Variants in TYW1B observed in about 807,000 individuals in gnomAD.
TYW1B encodes the protein tRNA-yW synthesizing protein 1 homolog B.
TYW1B carries 73 observed loss-of-function variants against 86.9 expected under a neutral mutation model. That is an observed-to-expected ratio of 0.84 (90% CI 0.70 to 1.02). The LOEUF (loss-of-function observed/expected upper bound fraction) is 1.02, where lower values mean the gene tolerates loss of function less well. Ranked by LOEUF, TYW1B falls within the 50% of genes least tolerant of loss-of-function variation. TYW1B has a pLI of 0.00. For synonymous variants in TYW1B, 248 were observed against 292.8 expected (o/e 0.85, Z 1.56); for missense variants, 637 against 827.4 (o/e 0.77, Z 2.82).
At chr7:72,632,375 A>AC (rs1812533093) in intron 11 of TYW1B, among the ~76,000 whole-genome samples, 1 of 118,068 alleles carries the variant, frequency 8.5e-6, no homozygotes, top group African/African-American at 3.8e-5. Context: ...ACGCATATAT[A>AC]TTATATATAT....
chr7:72,757,322 C>G (rs782169556), intron 7 of TYW1B, among the ~76,000 whole-genome samples: 9 of 149,018 alleles, frequency 6.0e-5, no homozygotes, highest in Non-Finnish European at 1.2e-4. Context: ...GAGCCAAGAT[C>G]GCACCACTGC....
At chr7:72,786,847 T>C (rs1455504346) in intron 6 of TYW1B, among the ~76,000 whole-genome samples, 6 of 152,082 alleles carry the variant, frequency 3.9e-5, no homozygotes, top group African/African-American at 4.8e-5. Context: ...AGTGCTGGGA[T>C]TACAGGCATG....
chr7:72,586,105 T>C (rs1455526741), intron 13 of TYW1B, among the ~76,000 whole-genome samples: 3 of 152,208 alleles, frequency 2.0e-5, no homozygotes, highest in African/African-American at 4.8e-5. Context: ...TGTTTTATTA[T>C]AGCAGGAGGA....
intron 11 of TYW1B, among the ~76,000 whole-genome samples, chr7:72,639,797 C>A (rs760268483): frequency 4.0e-5 from 6 of 150,084 alleles, no homozygotes; most frequent in Admixed American, 2.7e-4. Flanking sequence ...ACTCAGGAGG[C>A]AGAGGCTGCA....
intron 11 of TYW1B, among the ~76,000 whole-genome samples, chr7:72,652,406 ATT>A (rs1312855705): frequency 4.7e-5 from 7 of 149,042 alleles, no homozygotes; most frequent in South Asian, 2.1e-4. Context: ...AAAAAAAAAA[ATT>A]TTTGTGACAT....
chr7:72,826,252 C>T (rs1242742849), intron 2 of TYW1B, among the ~76,000 whole-genome samples: 1 of 152,178 alleles, frequency 6.6e-6, no homozygotes, highest in Non-Finnish European at 1.5e-5. Flanking sequence ...CAAATAATTA[C>T]ACAAAATCCA....
At chr7:72,748,974 T>C (rs1219843496) in intron 7 of TYW1B, among the ~76,000 whole-genome samples, 1 of 151,996 alleles carries the variant, frequency 6.6e-6, no homozygotes, top group Non-Finnish European at 1.5e-5. Context: ...CCACCTCTTG[T>C]ATTTTGGGGA....
intron 13 of TYW1B, among the ~76,000 whole-genome samples, chr7:72,602,258 C>T (rs1159426246): frequency 1.3e-5 from 2 of 152,026 alleles, no homozygotes; most frequent in East Asian, 3.9e-4. Context: ...ACAACTCCAG[C>T]GCCGCTATAT....
At chr7:72,665,327 C>T (rs1414448373) in intron 11 of TYW1B, among the ~76,000 whole-genome samples, 41 of 152,164 alleles carry the variant, frequency 2.7e-4, no homozygotes, top group Non-Finnish European at 4.4e-5. Context: ...GAATGAAAGT[C>T]GTCTGTTCAA....
intron 11 of TYW1B, among the ~76,000 whole-genome samples, chr7:72,674,645 A>G (rs1813691988): frequency 6.6e-6 from 1 of 152,020 alleles, no homozygotes; most frequent in Non-Finnish European, 1.5e-5. Flanking sequence ...TTCCACTCCA[A>G]CTAAGGTTGA....
intron 8 of TYW1B, among the ~76,000 whole-genome samples, chr7:72,732,447 A>G (rs1223692139): frequency 1.3e-5 from 2 of 152,246 alleles, no homozygotes; most frequent in African/African-American, 4.8e-5. Context: ...AAAACAAGAA[A>G]TCAGTCATAA....
intron 11 of TYW1B, among the ~76,000 whole-genome samples, chr7:72,641,481 TACCAA>T (rs1812798284): frequency 1.3e-5 from 2 of 152,202 alleles, no homozygotes; most frequent in Non-Finnish European, 2.9e-5. Flanking sequence ...AGCAGAATAC[TACCAA>T]ACCAAATACA....
chr7:72,711,678 G>A (rs1460767107), intron 10 of TYW1B, among the ~76,000 whole-genome samples: 9 of 150,808 alleles, frequency 6.0e-5, no homozygotes, highest in Admixed American at 3.3e-4. Context: ...TAGTAGAGAC[G>A]GGGTTTCACC....
chr7:72,713,611 G>A lies in TYW1B; in HGVS notation c.1370+10C>T, dbSNP rs1554455252. On this transcript the variant is annotated intron_variant, in intron 10 of 13. Coordinates refer to ENST00000620995, the MANE Select transcript of TYW1B (RefSeq NM_001145440.3). Reference sequence around the variant, plus strand: ...TCAAGCAGCATCTCTCCATAGGCTGGAGAACTCACCTGATTTCCGCAGGAA... The same window carrying A: ...TCAAGCAGCATCTCTCCATAGGCTGAAGAACTCACCTGATTTCCGCAGGAA... 6.2e-7 allele frequency: 1 copy of A among 1,610,114 alleles called. No homozygotes were observed. Among genetic ancestry groups the A allele is most frequent in the Non-Finnish European group, 8.5e-7 (1 of 1,178,180 alleles).
rs189642252 is a variant in TYW1B at position 72,755,638 on chromosome 7, T to A, written c.965-11037A>T. 2.7e-3 allele frequency among the ~76,000 whole-genome samples: 415 copies of A among 152,308 alleles called. 2 individuals are homozygous for A. The highest frequency in any genetic ancestry group is 9.0e-3 in the African/African-American group (373 of 41,580). ...GAGATCGTGCCACTGCACTCCGGCCTGGGCGACAGAGTGAGCCTGTCTCAA... is the reference window on the plus strand; with the variant it reads ...GAGATCGTGCCACTGCACTCCGGCCAGGGCGACAGAGTGAGCCTGTCTCAA... On this transcript the variant is annotated intron_variant, in intron 7 of 13. Transcript: ENST00000620995.
intron 11 of TYW1B, among the ~76,000 whole-genome samples, chr7:72,657,193 T>C (rs1412137598): frequency 1.3e-5 from 2 of 152,002 alleles, no homozygotes; most frequent in African/African-American, 2.4e-5. Flanking sequence ...ACAGAAGAAT[T>C]TAATGAATGA....
At chr7:72,577,321 C>T (rs1425630433) in intron 13 of TYW1B, among the ~76,000 whole-genome samples, 4 of 152,132 alleles carry the variant, frequency 2.6e-5, no homozygotes, top group South Asian at 2.1e-4. Flanking sequence ...GCTGAATATG[C>T]GGAAAAGTTT....
chr7:72,577,839 T>C (rs1438264654), intron 13 of TYW1B, among the ~76,000 whole-genome samples: 1 of 152,192 alleles, frequency 6.6e-6, no homozygotes, highest in Admixed American at 6.6e-5. Flanking sequence ...AGCTGTTCCC[T>C]CTGTCTAACT....
At chr7:72,632,362 T>C (rs1554439998) in intron 11 of TYW1B, among the ~76,000 whole-genome samples, 1 of 118,034 alleles carries the variant, frequency 8.5e-6, no homozygotes, top group Non-Finnish European at 1.6e-5. Context: ...ATATTATATA[T>C]ATACGCATAT....
Sources: allele counts gnomAD v4.1 joint callset (sites outside exome capture counted in the v4.1 genomes callset), GRCh38; gene constraint gnomAD v4.1.1; transcripts MANE v1.5; gene names NCBI Gene and HGNC (gene_info 2026-07-23, HGNC 2026-07-21).